TXNRD3: variants seen among roughly 807,000 people sequenced by gnomAD.
TXNRD3 encodes thioredoxin reductase 3.
TXNRD3 carries 68 observed loss-of-function variants against 78.2 expected under a neutral mutation model. That is an observed-to-expected ratio of 0.87 (90% CI 0.72 to 1.06). The LOEUF is 1.06. Ranked by LOEUF, TXNRD3 falls within the 50% of genes least tolerant of loss-of-function variation. The probability of loss-of-function intolerance (pLI) is 0.00; values close to 1 mark genes in which losing one functional copy is unlikely to be tolerated. For synonymous variants in TXNRD3, 296 were observed against 300.1 expected, an observed-to-expected ratio of 0.99 and a Z score of 0.14; for missense variants, 751 against 809.5, an observed-to-expected ratio of 0.93 and a Z score of 0.88.
intron 6 of TXNRD3, among the ~76,000 whole-genome samples, chr3:126,638,522 T>C (rs1264432112): frequency 6.6e-6 from 1 of 152,000 alleles, no homozygotes; most frequent in African/African-American, 2.4e-5. Context: ...TCACCTGAGG[T>C]TGGAAGTTCA....
chr3:126,620,274 G>A (rs565424334), intron 12 of TXNRD3, among the ~76,000 whole-genome samples: 26 of 144,818 alleles, frequency 1.8e-4, no homozygotes, highest in South Asian at 1.6e-3. Context: ...CAGCCTGGGC[G>A]GCAGAGCGAG....
At chr3:126,631,030 A>T (rs1453438097) in intron 8 of TXNRD3, 93 bp from the exon 9 acceptor site, 5 of 1,240,018 alleles carry the variant, frequency 4.0e-6, no homozygotes, top group Non-Finnish European at 5.5e-6. Context: ...TGATGACTGA[A>T]TTATAATTTA....
At chr3:126,633,615 T>C (rs1938777569) in intron 7 of TXNRD3, among the ~76,000 whole-genome samples, 1 of 152,228 alleles carries the variant, frequency 6.6e-6, no homozygotes, top group Non-Finnish European at 1.5e-5. Context: ...ATCTTTTTAG[T>C]CTTTTAAACT....
At chr3:126,622,059 A>T (rs1186806178) in intron 11 of TXNRD3, among the ~76,000 whole-genome samples, 161 bp from the exon 12 acceptor site, 1 of 152,220 alleles carries the variant, frequency 6.6e-6, no homozygotes, top group Non-Finnish European at 1.5e-5. Flanking sequence ...TAAAGTAACA[A>T]GGGTTTCTGT....
intron 13 of TXNRD3, among the ~76,000 whole-genome samples, chr3:126,611,641 GA>G (rs1234763436): frequency 6.6e-6 from 1 of 152,136 alleles, no homozygotes; most frequent in Non-Finnish European, 1.5e-5. Flanking sequence ...CCAATGCCTT[GA>G]GTGTACCTCT....
intron 10 of TXNRD3, among the ~76,000 whole-genome samples, chr3:126,623,393 A>C (rs548471338): frequency 8.7e-4 from 133 of 152,356 alleles, no homozygotes; most frequent in African/African-American, 3.0e-3. Context: ...AGTGCATTAA[A>C]AGAAAAGAAA....
At chr3:126,624,760 T>C (rs1938538287) in intron 10 of TXNRD3, 1 of 158,768 alleles carries the variant, frequency 6.3e-6, no homozygotes. Flanking sequence ...CAACAAATGG[T>C]ACTGGATATC....
chr3:126,626,216 G>T (rs954108542), intron 10 of TXNRD3, among the ~76,000 whole-genome samples: 1 of 151,944 alleles, frequency 6.6e-6, no homozygotes, highest in African/African-American at 2.4e-5. Flanking sequence ...GCAAACAAAG[G>T]GATACTTCCA....
intron 13 of TXNRD3, among the ~76,000 whole-genome samples, chr3:126,611,817 C>T (rs1447825273): frequency 6.6e-6 from 1 of 152,110 alleles, no homozygotes; most frequent in East Asian, 1.9e-4. Context: ...GTAGTATGAA[C>T]AATAATCCAC....
chr3:126,616,002 G>A lies in TXNRD3; in HGVS notation c.1525-540C>T, dbSNP rs117925456. ...TACATGTGTGAGTGTGTCTGGAGGGGGGTGCTAATACACCGCAGGGACAAG... is the reference window on the plus strand; with the variant it reads ...TACATGTGTGAGTGTGTCTGGAGGGAGGTGCTAATACACCGCAGGGACAAG... On this transcript the variant is annotated intron_variant, in intron 12 of 15. Transcript: ENST00000524230. 1.1e-3 allele frequency among the ~76,000 whole-genome samples: 162 copies of A among 152,226 alleles called. 2 individuals carry two copies. The East Asian group carries it at 0.024, about 22-fold the overall frequency.
rs373820583 is a variant in TXNRD3, at chr3:126,650,781, A to T, written c.244-3485T>A. 4.0e-3 allele frequency among the ~76,000 whole-genome samples: 610 copies of T among 152,296 alleles called. 3 individuals are homozygous for T. The highest frequency in any genetic ancestry group is 6.2e-3 in the Non-Finnish European group (425 of 68,032). ...TTTATCGTTATCTATCTTTGCTGAT[A>T]CTAGTTTCTTAACTAGATGCTCTTT... On this transcript the variant is annotated intron_variant, in intron 1 of 15. Transcript: ENST00000524230.
At chr3:126,616,766 G>A (rs1938329237) in intron 12 of TXNRD3, among the ~76,000 whole-genome samples, 1 of 152,078 alleles carries the variant, frequency 6.6e-6, no homozygotes, top group Non-Finnish European at 1.5e-5. Flanking sequence ...TTACCCCAAA[G>A]AAAACCAAAA....
intron 6 of TXNRD3, among the ~76,000 whole-genome samples, chr3:126,640,679 C>T (rs1933053375): frequency 6.6e-6 from 1 of 152,176 alleles, no homozygotes; most frequent in African/African-American, 2.4e-5. Context: ...AGCCAAGTGT[C>T]TACATCCAAC....
intron 1 of TXNRD3, 50 bp from the exon 2 acceptor site, chr3:126,647,346 T>TATGAAATATGA: frequency 7.9e-7 from 1 of 1,258,578 alleles, no homozygotes; most frequent in African/African-American, 1.5e-5. Context: ...ATTCAACAGC[T>TATGAAATATGA]ATGAAATATG....
intron 12 of TXNRD3, among the ~76,000 whole-genome samples, chr3:126,616,167 G>A (rs570864608): frequency 2.4e-4 from 37 of 152,294 alleles, no homozygotes; most frequent in African/African-American, 8.9e-4. Context: ...GAGAAGAGAG[G>A]GCCTCTCTGG....
chr3:126,607,635 G>A lies in TXNRD3; in HGVS notation c.*270C>T, dbSNP rs1938078743. The A allele has an allele frequency of 6.3e-6, 2 of 315,302 alleles. No homozygotes were observed. Among genetic ancestry groups the A allele is most frequent in the Admixed American group, 9.9e-5 (2 of 20,138 alleles). 19.5% of individuals were successfully genotyped at this position (315,302 alleles called of 1,614,324 possible). On this transcript the variant is annotated 3_prime_UTR_variant, in exon 16 of 16. Transcript: ENST00000524230. ...GGAAGCTCAGTCCTGGCTTGCGAGAGTCAGCCTTGGCTCACCTCATAACGG... is the reference window on the plus strand; with the variant it reads ...GGAAGCTCAGTCCTGGCTTGCGAGAATCAGCCTTGGCTCACCTCATAACGG...
At chr3:126,645,777 T>A (rs538255462) in intron 3 of TXNRD3, among the ~76,000 whole-genome samples, 13 of 152,278 alleles carry the variant, frequency 8.5e-5, no homozygotes, top group African/African-American at 2.6e-4. Context: ...GAATTCTAAT[T>A]GTCCTAGACA....
At chr3:126,625,667 C>G (rs533378387) in intron 10 of TXNRD3, among the ~76,000 whole-genome samples, 31 of 152,152 alleles carry the variant, frequency 2.0e-4, no homozygotes, top group African/African-American at 6.7e-4. Context: ...TGGGTATATA[C>G]CCAGTAATGG....
rs542157011 is a variant in TXNRD3, at chr3:126,623,014, C to G, written c.1291-474G>C. Among the ~76,000 whole-genome samples the G allele has an allele frequency of 1.5e-4, 23 of 152,276 alleles. No homozygotes were observed. In the South Asian group the frequency reaches 3.9e-3, roughly 26 times the overall value. ...CAGAAGAAACCAACCCTGTCAACAC[C>G]TTGATCTTAGACTTCCAGCCTCTAG... On this transcript the variant is annotated intron_variant, in intron 10 of 15. Transcript: ENST00000524230.
Sources: allele counts gnomAD v4.1 joint callset (sites outside exome capture counted in the v4.1 genomes callset), GRCh38; gene constraint gnomAD v4.1.1; transcripts MANE v1.5; gene names NCBI Gene and HGNC (gene_info 2026-07-23, HGNC 2026-07-21).